ALAS1: variants seen among roughly 807,000 people sequenced by gnomAD.
The protein encoded by ALAS1 is 5'-aminolevulinate synthase 1.
In ALAS1, 29 loss-of-function variants were observed where a neutral mutation model predicts 59.6. The observed-to-expected ratio is 0.49, with a 90% CI of 0.36 to 0.66. The LOEUF (loss-of-function observed/expected upper bound fraction) is 0.66. Among genes scored for constraint, ALAS1 ranks in the 30% least tolerant of loss-of-function variants. The probability of loss-of-function intolerance (pLI) is 0.00; values close to 1 mark genes in which losing one functional copy is unlikely to be tolerated. For synonymous variants in ALAS1, 299 were observed against 296.6 expected (o/e 1.01, Z -0.08); for missense variants, 690 against 807.5 (o/e 0.85, Z 1.76).
chr3:52,200,003 G>T (rs1474743470), intron 3 of ALAS1, among the ~76,000 whole-genome samples: 2 of 152,076 alleles, frequency 1.3e-5, no homozygotes, highest in South Asian at 2.1e-4. Context: ...TGTACTTTTA[G>T]TAGGGTTTCA....
At chr3:52,203,777 A>G in intron 4 of ALAS1, 86 bp from the exon 5 acceptor site, 13 of 1,455,774 alleles carry the variant, frequency 8.9e-6, no homozygotes, top group Non-Finnish European at 1.1e-5. Context: ...CTAGGCCATA[A>G]GCCATTTTTG....
rs352168 is a variant in ALAS1 at position 52,203,954 on chromosome 3, C to T, written c.519C>T (p.Ile173=). The T allele has an allele frequency of 0.51, 814,431 of 1,610,610 alleles. 209,589 individuals are homozygous for T. Among genetic ancestry groups the T allele is most frequent in the Non-Finnish European group, 0.53 (625,293 of 1,178,034 alleles). The change falls in exon 5 of 12, where the codon ATC becomes ATT. Residue 173 remains isoleucine (I), a synonymous_variant. Transcript: ENST00000484952. ...GACTGCTGAAGAACTTCCAGGACAT[C>T]ATGCAAAAGCAAAGACCAGAAAGAG... ...PSGLLKNFQD[I]MQKQRPERVS... is the part of the protein sequence containing the mutation.
In ALAS1 at chr3:52,211,344, A is replaced by T. The variant is rs1429495502; in HGVS notation, c.1392A>T (p.Val464=). Reference sequence around the variant, plus strand: ...GCACGAGTTCTCTGATTGACACCGTACGGTCCTATGCTGCTGGCTTCATCT... The same window carrying T: ...GCACGAGTTCTCTGATTGACACCGTTCGGTCCTATGCTGCTGGCTTCATCT... The part of the protein sequence containing the change: ...IASTSSLIDT[V]RSYAAGFIFT... The change falls in exon 10 of 12, where the codon GTA becomes GTT. Residue 464 remains valine, a synonymous_variant. Coordinates refer to ENST00000484952, the MANE Select transcript of ALAS1 (RefSeq NM_000688.6). 2 of 1,614,052 alleles carry T rather than the reference A, an allele frequency of 1.2e-6. No homozygotes were observed. The highest frequency in any genetic ancestry group is 1.7e-6 in the Non-Finnish European group (2 of 1,180,040).
chr3:52,202,654 A>G lies in ALAS1; in HGVS notation c.347A>G (p.Asn116Ser). Residue 116 changes from asparagine to serine, a missense_variant, in exon 4 of 12, where the codon AAT becomes AGT. Transcript: ENST00000484952. ...TGCCCTTTCCTGGCAGCACAGATGAATCAGAGAGGCAGCAGTGTCTTCTGC... is the reference window on the plus strand; with the variant it reads ...TGCCCTTTCCTGGCAGCACAGATGAGTCAGAGAGGCAGCAGTGTCTTCTGC... ...SKCPFLAAQM[N>S]QRGSSVFCKA... The G allele has an allele frequency of 6.2e-7, 1 of 1,614,234 alleles. No homozygotes were observed.
intron 6 of ALAS1, among the ~76,000 whole-genome samples, chr3:52,205,469 C>A (rs1699274684): frequency 6.6e-6 from 1 of 152,096 alleles, no homozygotes; most frequent in African/African-American, 2.4e-5. Flanking sequence ...CAGAGGGTAA[C>A]CACCATCCAG....
intron 11 of ALAS1, among the ~76,000 whole-genome samples, chr3:52,213,248 C>G (rs902259606): frequency 6.6e-6 from 1 of 152,186 alleles, no homozygotes; most frequent in Non-Finnish European, 1.5e-5. Context: ...GGCTATTAGC[C>G]ACAGGTCACC....
rs749651370 is a variant in ALAS1, at chr3:52,214,071, C to T, written c.1814C>T (p.Ser605Phe). 2 of 1,613,566 alleles carry T rather than the reference C, an allele frequency of 1.2e-6. No homozygotes were observed. The highest frequency in any genetic ancestry group is 1.7e-5 in the Admixed American group (1 of 60,010). Residue 605 changes from serine to phenylalanine, a missense_variant, in exon 12 of 12, where the codon TCC (serine) becomes TTC (phenylalanine). Coordinates refer to ENST00000484952, the MANE Select transcript of ALAS1 (RefSeq NM_000688.6). ...GTGGGGCTGGAACTGAAGCCTCATT[C>T]CTCAGCTGAGTGCAACTTCTGCAGG... ...KQVGLELKPH[S>F]SAECNFCRRP...
chr3:52,198,562 C>G (rs1699118287), intron 1 of ALAS1, 110 bp from the exon 2 acceptor site: 1 of 556,748 alleles, frequency 1.8e-6, no homozygotes, highest in East Asian at 2.9e-5. Context: ...GGACTGCCTT[C>G]TTTCTCCAGA....
rs562890825 is a variant in ALAS1 at position 52,213,358 on chromosome 3, C to T, written c.1763-662C>T. 1.2e-4 allele frequency among the ~76,000 whole-genome samples: 18 copies of T among 152,326 alleles called. 2 individuals are homozygous for T. In the South Asian group the frequency reaches 2.5e-3, roughly 21 times the overall value. ...TGGAAATGCTGGGTTTAAACTGTCACGTGGCAGTGTTGGAGCAGCTTCTTC... is the reference window on the plus strand; with the variant it reads ...TGGAAATGCTGGGTTTAAACTGTCATGTGGCAGTGTTGGAGCAGCTTCTTC... On this transcript the variant is annotated intron_variant, in intron 11 of 11. Coordinates refer to ENST00000484952, the MANE Select transcript of ALAS1 (RefSeq NM_000688.6).
rs1699136818 is a variant in ALAS1 at position 52,199,296 on chromosome 3, C to T, written c.55C>T (p.Leu19=). The stretch of plus-strand genomic sequence containing the variant: ...CTTATCCCGAGTCCCCCAGGCCTTT[C>T]TGCAGAAAGCAGGCAAATCTCTGTT... ...PFLSRVPQAF[L]QKAGKSLLFY... The change falls in exon 3 of 12, where the codon CTG becomes TTG. Residue 19 remains leucine (L), a synonymous_variant. Coordinates refer to ENST00000484952, the MANE Select transcript of ALAS1 (RefSeq NM_000688.6). 1 of 1,614,234 alleles carries T rather than the reference C, an allele frequency of 6.2e-7. No individual in the cohort carries two copies. The highest frequency in any genetic ancestry group is 1.1e-5 in the South Asian group (1 of 91,090).
chr3:52,204,836 AC>A lies in ALAS1; in HGVS notation c.723del (p.Lys243SerfsTer12). 1 of 1,614,154 alleles carries A rather than the reference AC, an allele frequency of 6.2e-7. No homozygotes were observed. On this transcript the variant is annotated frameshift_variant, in exon 6 of 12. Coordinates refer to ENST00000484952, the MANE Select transcript of ALAS1 (RefSeq NM_000688.6). LOFTEE classifies it high-confidence loss of function. ...MADDYSDSLI[T>X]KKQVSVWCSN... ...AGATGACTATTCAGACTCCCTCATCACCAAAAAGCAAGTGTCAGTCTGGTGC... is the reference window on the plus strand; with the variant it reads ...AGATGACTATTCAGACTCCCTCATCACAAAAAGCAAGTGTCAGTCTGGTGC...
intron 2 of ALAS1, 39 bp from the exon 3 acceptor site, chr3:52,199,171 G>A: frequency 6.3e-7 from 1 of 1,596,868 alleles, no homozygotes; most frequent in East Asian, 2.2e-5. Flanking sequence ...AGTGATATTT[G>A]CCTGATTATT....
intron 5 of ALAS1, among the ~76,000 whole-genome samples, chr3:52,204,273 A>G (rs1699249417): frequency 6.6e-6 from 1 of 152,164 alleles, no homozygotes; most frequent in African/African-American, 2.4e-5. Flanking sequence ...AGTCCCAGCT[A>G]CTCAGGAGGC....
At chr3:52,213,767 T>C (rs1699459960) in intron 11 of ALAS1, among the ~76,000 whole-genome samples, 1 of 152,240 alleles carries the variant, frequency 6.6e-6, no homozygotes, top group African/African-American at 2.4e-5. Flanking sequence ...TCCAGCATCA[T>C]GTCTGCAAGG....
chr3:52,212,816 C>T (rs758300848), intron 11 of ALAS1, among the ~76,000 whole-genome samples: 57 of 152,208 alleles, frequency 3.7e-4, no homozygotes, highest in Admixed American at 1.1e-3. Context: ...CAGGTGTGAG[C>T]CCTGGTGCCC....
rs919771813 is a variant in ALAS1, at chr3:52,208,344, A to G, written c.1330+97A>G. On this transcript the variant is annotated intron_variant, in intron 9 of 11. Transcript: ENST00000484952. ...TGGGATCAGGTGAGGAGACAGCCTG[A>G]CAGCATATGAAGCCTGGGCCACTCT... 1.2e-5 allele frequency: 17 copies of G among 1,372,516 alleles called. No homozygotes were observed. In the South Asian group the frequency reaches 1.4e-4, roughly 11 times the overall value. The allele number at this position is 1,372,516 out of a possible 1,614,324, so 85.0% of individuals were successfully genotyped here. A position where few individuals can be genotyped will look rare whatever the true frequency, so the allele number is the denominator to read the frequency against.
chr3:52,209,650 A>AT (rs1699365988), intron 9 of ALAS1, among the ~76,000 whole-genome samples: 1 of 152,228 alleles, frequency 6.6e-6, no homozygotes, highest in African/African-American at 2.4e-5. Context: ...TAGCAAAAAC[A>AT]TTAATTATAG....
intron 3 of ALAS1, among the ~76,000 whole-genome samples, chr3:52,202,274 C>T (rs1699201605): frequency 6.6e-6 from 1 of 152,084 alleles, no homozygotes; most frequent in Admixed American, 6.5e-5. Context: ...CACTTGAACC[C>T]AGGAGGTGGA....
At chr3:52,202,376 C>T (rs956032990) in intron 3 of ALAS1, 131 bp from the exon 4 acceptor site, 53 of 751,394 alleles carry the variant, frequency 7.1e-5, no homozygotes, top group Non-Finnish European at 1.0e-4. Context: ...AAAAAAAACA[C>T]TTGTGTCTGG....
Sources: gnomAD v4.1 joint callset for allele counts (sites outside exome capture counted in the v4.1 genomes callset) on GRCh38, gnomAD v4.1.1 for gene constraint, MANE v1.5 for transcripts, NCBI Gene and HGNC (gene_info 2026-07-23, HGNC 2026-07-21) for gene names.